ARHGAP44: variants seen among roughly 807,000 people sequenced by gnomAD.
The protein encoded by ARHGAP44 is rho GTPase-activating protein 44.
Under a neutral mutation model 106.8 loss-of-function variants are expected in ARHGAP44, and 43 were observed. The ratio of observed to expected loss-of-function variants is 0.40; its 90% confidence interval spans 0.32 to 0.52. ARHGAP44 has a LOEUF of 0.52. ARHGAP44 is among the 20% of genes least tolerant of loss of function. The pLI is 0.48. For synonymous variants in ARHGAP44, 439 were observed against 410.3 expected (o/e 1.07, Z -0.85); for missense variants, 866 against 1,050.5 (o/e 0.82, Z 2.43).
intron 1 of ARHGAP44, among the ~76,000 whole-genome samples, chr17:12,860,373 T>C (rs1452673461): frequency 2.0e-5 from 3 of 152,190 alleles, no homozygotes; most frequent in African/African-American, 7.2e-5. Context: ...GTCTGGAAAG[T>C]GCAGGCTTGT....
rs116601179 is a variant in ARHGAP44 at position 12,966,979 on chromosome 17, A to G, written c.1524-6323A>G. On this transcript the variant is annotated intron_variant, in intron 16 of 20. Transcript: ENST00000379672. Reference sequence around the variant, plus strand: ...AAGTGTATTCTACCTATAGATACCTATTCTTCTTGGAGCTGGGATCTTCCA... The same window carrying G: ...AAGTGTATTCTACCTATAGATACCTGTTCTTCTTGGAGCTGGGATCTTCCA... Among the ~76,000 whole-genome samples, 1,174 of 152,118 alleles carry G rather than the reference A, an allele frequency of 7.7e-3. 11 individuals carry two copies. The highest frequency in any genetic ancestry group is 0.027 in the African/African-American group (1,106 of 41,482).
intron 18 of ARHGAP44, among the ~76,000 whole-genome samples, chr17:12,979,372 T>A (rs2039775242): frequency 6.6e-6 from 1 of 152,122 alleles, no homozygotes; most frequent in Admixed American, 6.5e-5. Context: ...GGTGCCTCAT[T>A]GTCAATTCCA....
At chr17:12,884,440 C>T (rs1257345794) in intron 1 of ARHGAP44, among the ~76,000 whole-genome samples, 1 of 152,184 alleles carries the variant, frequency 6.6e-6, no homozygotes, top group African/African-American at 2.4e-5. Flanking sequence ...ACAAAATCTG[C>T]TAAGAGCTTA....
At chr17:12,869,566 A>G (rs913395323) in intron 1 of ARHGAP44, among the ~76,000 whole-genome samples, 2 of 152,126 alleles carry the variant, frequency 1.3e-5, no homozygotes, top group Admixed American at 6.5e-5. Flanking sequence ...GCCACCGCCC[A>G]TCTCCACAAC....
At chr17:12,809,721 A>G (rs917833111) in intron 1 of ARHGAP44, among the ~76,000 whole-genome samples, 2 of 152,176 alleles carry the variant, frequency 1.3e-5, no homozygotes, top group African/African-American at 4.8e-5. Flanking sequence ...ACACTCAACC[A>G]GGAGACTAAT....
At chr17:12,909,053 G>GTGCTTCCCTGAGA in intron 4 of ARHGAP44, 80 bp downstream of exon 4, 1 of 1,218,730 alleles carries the variant, frequency 8.2e-7, no homozygotes, top group Non-Finnish European at 1.1e-6. Context: ...ACCCTCTCAG[G>GTGCTTCCCTGAGA]GAAGCACCTG....
chr17:12,896,245 A>C (rs1230194325), intron 2 of ARHGAP44, among the ~76,000 whole-genome samples, 162 bp from the exon 3 acceptor site: 1 of 151,470 alleles, frequency 6.6e-6, no homozygotes, highest in Non-Finnish European at 1.5e-5. Flanking sequence ...GTACCTTAGA[A>C]CTTAAAGTAT....
chr17:12,909,933 A>G (rs547693427), intron 4 of ARHGAP44, among the ~76,000 whole-genome samples: 8 of 152,344 alleles, frequency 5.3e-5, no homozygotes, highest in African/African-American at 1.9e-4. Flanking sequence ...TGTAAAATTG[A>G]CCAGAGGGAA....
At chr17:12,805,784 G>A (rs982974941) in intron 1 of ARHGAP44, among the ~76,000 whole-genome samples, 1 of 152,226 alleles carries the variant, frequency 6.6e-6, no homozygotes, top group Non-Finnish European at 1.5e-5. Context: ...ATCAGTACCT[G>A]TGGAAGGGAG....
chr17:12,915,892 G>T lies in ARHGAP44; in HGVS notation c.276-8G>T, dbSNP rs1355444984. 6.2e-7 allele frequency: 1 copy of T among 1,612,492 alleles called. No homozygotes were observed. Among genetic ancestry groups the T allele is most frequent in the Admixed American group, 1.7e-5 (1 of 59,912 alleles). ...GTATTCACTATTTCTTTCCCCCTTG[G>T]ATTACAGGAAGATGCTGAAACTCTG... On this transcript the variant is annotated splice_polypyrimidine_tract_variant and splice_region_variant and intron_variant, in intron 4 of 20. Transcript: ENST00000379672.
At chr17:12,932,288 GTATT>G (rs1185097557) in intron 7 of ARHGAP44, among the ~76,000 whole-genome samples, 2 of 152,104 alleles carry the variant, frequency 1.3e-5, no homozygotes, top group East Asian at 3.9e-4. Context: ...TGAGTATCAT[GTATT>G]TATTGGACAT....
chr17:12,881,556 C>A (rs2036738779), intron 1 of ARHGAP44, among the ~76,000 whole-genome samples: 1 of 152,094 alleles, frequency 6.6e-6, no homozygotes, highest in African/African-American at 2.4e-5. Context: ...TGATATAATA[C>A]TTTCTTAATT....
intron 1 of ARHGAP44, among the ~76,000 whole-genome samples, chr17:12,841,461 T>C (rs1038495435): frequency 6.6e-6 from 1 of 151,920 alleles, no homozygotes; most frequent in African/African-American, 2.4e-5. Context: ...TGGTGTGTGC[T>C]GTAGACTCAG....
At chr17:12,926,824 T>A in intron 6 of ARHGAP44, among the ~76,000 whole-genome samples, 1 of 152,106 alleles carries the variant, frequency 6.6e-6, no homozygotes, top group South Asian at 2.1e-4. Context: ...TTCATATTGG[T>A]TAGTTATTTT....
chr17:12,935,875 G>A (rs1169782573), intron 7 of ARHGAP44, among the ~76,000 whole-genome samples: 2 of 152,018 alleles, frequency 1.3e-5, no homozygotes, highest in South Asian at 2.1e-4. Flanking sequence ...CAGATAATAG[G>A]GGATCCTGAA....
chr17:12,941,163 C>T (rs924673150), intron 8 of ARHGAP44, 39 bp downstream of exon 8: 38 of 1,576,538 alleles, frequency 2.4e-5, no homozygotes, highest in Non-Finnish European at 3.3e-5. Flanking sequence ...AAAGGCTGTT[C>T]GTAGGAGAAG....
At chr17:12,801,650 T>C (rs1331576405) in intron 1 of ARHGAP44, among the ~76,000 whole-genome samples, 7 of 152,034 alleles carry the variant, frequency 4.6e-5, no homozygotes, top group African/African-American at 2.4e-5. Flanking sequence ...ATTCAAAAAA[T>C]GTCTAAGGGC....
At chr17:12,975,238 G>A (rs901520887) in intron 18 of ARHGAP44, among the ~76,000 whole-genome samples, 1 of 152,160 alleles carries the variant, frequency 6.6e-6, no homozygotes, top group Non-Finnish European at 1.5e-5. Context: ...CCACGGATAA[G>A]GGGGACTACT....
chr17:12,862,117 A>T (rs1041815289), intron 1 of ARHGAP44, among the ~76,000 whole-genome samples: 1 of 152,044 alleles, frequency 6.6e-6, no homozygotes, highest in Non-Finnish European at 1.5e-5. Flanking sequence ...TATTTTGTCT[A>T]CTACAGTCAG....
Sources: gnomAD v4.1 joint callset for allele counts (sites outside exome capture counted in the v4.1 genomes callset) on GRCh38, gnomAD v4.1.1 for gene constraint, MANE v1.5 for transcripts, NCBI Gene and HGNC (gene_info 2026-07-23, HGNC 2026-07-21) for gene names.